The following LRP3 variants were observed in gnomAD, a reference collection of about 807,000 sequenced individuals.
LRP3 encodes the protein LDL receptor related protein 3, also known as low-density lipoprotein receptor-related protein 3.
Under a neutral mutation model 58.5 loss-of-function variants are expected in LRP3, and 49 were observed. The ratio of observed to expected loss-of-function variants is 0.84; its 90% CI spans 0.67 to 1.06. The LOEUF (loss-of-function observed/expected upper bound fraction) is 1.06, where lower values mean the gene tolerates loss of function less well. LRP3 is among the 50% of genes least tolerant of loss of function. LRP3 has a pLI of 0.00. For missense variants in LRP3, 1,019 were observed against 1,134.2 expected (o/e 0.90, Z 1.46); for synonymous variants, 485 against 492.2 (o/e 0.99, Z 0.20).
chr19:33,199,698 G>A lies in LRP3; in HGVS notation c.121+2921G>A, dbSNP rs887227631. ...GGGGTGAGGCTGTTTGGAGGCACCC[G>A]TTGTCAGGGTTTTGCTGAGAGGCAG... On this transcript the variant is annotated intron_variant, in intron 2 of 6. Transcript: ENST00000253193. Among the ~76,000 whole-genome samples the A allele has an allele frequency of 2.6e-5, 4 of 152,280 alleles. 1 individual carries two copies. The South Asian group carries it at 6.2e-4, about 24-fold the overall frequency.
At chr19:33,203,175 G>A (rs1456782212) in intron 3 of LRP3, among the ~76,000 whole-genome samples, 189 bp downstream of exon 3, 1 of 152,072 alleles carries the variant, frequency 6.6e-6, no homozygotes, top group Admixed American at 6.6e-5. Flanking sequence ...CGTGTGAACA[G>A]GTGTATGGGT....
rs1275986102 is a variant in LRP3 at position 33,207,512 on chromosome 19, C to T, written c.2250C>T (p.Asn750=). ...CAGAGCCACTGGGGGTCTGCAGGAA[C>T]CCCCCGCCCCCCTGCTCCCCAATGC... ...HSPEPLGVCR[N]PPPPCSPMLE... Residue 750 remains asparagine, a synonymous_variant, in exon 7 of 7, where the codon AAC becomes AAT. Transcript: ENST00000253193. 3.1e-6 allele frequency: 5 copies of T among 1,602,158 alleles called. No individual in the cohort carries two copies. The highest frequency in any genetic ancestry group is 4.5e-5 in the East Asian group (2 of 44,734).
chr19:33,207,226 T>G lies in LRP3; in HGVS notation c.1964T>G (p.Met655Arg). The G allele has an allele frequency of 6.4e-7, 1 of 1,563,030 alleles. No homozygotes were observed. ...GAAPDPPAPL[M>R]DTGSTRAAGD... ...GCCCCCGACCCCCCAGCACCGCTCA[T>G]GGACACAGGCAGCACCAGGGCGGCC... The change falls in exon 7 of 7, where the codon ATG (methionine) becomes AGG (arginine). Residue 655 changes from methionine to arginine, a missense_variant. By Grantham distance (91) the Met-to-Arg change is moderately conservative. Coordinates refer to ENST00000253193, the MANE Select transcript of LRP3 (RefSeq NM_002333.4).
In LRP3 at chr19:33,207,570, T is replaced by A. The variant is rs61736046; in HGVS notation, c.2308T>A (p.Cys770Ser). 2,894 of 1,600,644 alleles carry A rather than the reference T, an allele frequency of 1.8e-3. 47 individuals are homozygous for A. The African/African-American group carries it at 0.033, about 18-fold the overall frequency. ...EASDDEALLV[C>S] The stretch of plus-strand genomic sequence containing the variant: ...CAGCGATGATGAGGCCCTGTTGGTC[T>A]GTTGACCGCTGGGCTCGCTGGTGAC... Residue 770 changes from cysteine (C) to serine (S), a missense_variant, in exon 7 of 7, where the codon TGT (cysteine) becomes AGT (serine). Coordinates refer to ENST00000253193, the MANE Select transcript of LRP3 (RefSeq NM_002333.4).
intron 1 of LRP3, among the ~76,000 whole-genome samples, chr19:33,196,514 C>G (rs998245459): frequency 6.6e-6 from 1 of 152,196 alleles, no homozygotes; most frequent in Non-Finnish European, 1.5e-5. Flanking sequence ...GCTATGCACT[C>G]CAGCCTGGAT....
intron 2 of LRP3, among the ~76,000 whole-genome samples, chr19:33,201,251 G>A (rs1974338261): frequency 6.6e-6 from 1 of 152,238 alleles, no homozygotes; most frequent in Non-Finnish European, 1.5e-5. Flanking sequence ...AGCTCTGTGG[G>A]GGCTATCCCG....
intron 2 of LRP3, among the ~76,000 whole-genome samples, chr19:33,199,292 C>G (rs1412101412): frequency 6.6e-6 from 1 of 152,098 alleles, no homozygotes; most frequent in African/African-American, 2.4e-5. Flanking sequence ...CTACCACATG[C>G]ACGTCTGCCT....
intron 2 of LRP3, among the ~76,000 whole-genome samples, chr19:33,198,831 G>C (rs1381369442): frequency 1.3e-5 from 2 of 152,224 alleles, no homozygotes; most frequent in African/African-American, 4.8e-5. Flanking sequence ...CACGTCTGGG[G>C]TGGGACTCCC....
At position 33,207,241 on chromosome 19, in the gene LRP3, C is replaced by T; in HGVS notation, c.1979C>T (p.Thr660Ile). 1 of 1,557,538 alleles carries T rather than the reference C, an allele frequency of 6.4e-7. No homozygotes were observed. The highest frequency in any genetic ancestry group is 8.6e-7 in the Non-Finnish European group (1 of 1,158,830). Reference protein sequence around the residue: ...PPAPLMDTGSTRAAGDRPPSA... With the variant: ...PPAPLMDTGSIRAAGDRPPSA... ...GCACCGCTCATGGACACAGGCAGCA[C>T]CAGGGCGGCCGGAGACAGGCCCCCC... Residue 660 changes from threonine to isoleucine, a missense_variant, in exon 7 of 7, where the codon ACC (threonine) becomes ATC (isoleucine). By Grantham distance (89) the Thr-to-Ile change is moderately conservative (BLOSUM62 -1). Transcript: ENST00000253193.
intron 2 of LRP3, among the ~76,000 whole-genome samples, chr19:33,199,884 C>T (rs576200793): frequency 2.0e-5 from 3 of 152,158 alleles, no homozygotes; most frequent in Non-Finnish European, 2.9e-5. Context: ...TCCCAGAAAG[C>T]GTGGGTGAGA....
At position 33,207,326 on chromosome 19, in the gene LRP3, G is replaced by A; in HGVS notation, c.2064G>A (p.Leu688=). ...CAGGGCCACCCTTGCCCTCGGGCCTGCGAGACCCAGAGTGCAGGCCCGTGG... is the reference window on the plus strand; with the variant it reads ...CAGGGCCACCCTTGCCCTCGGGCCTACGAGACCCAGAGTGCAGGCCCGTGG... The part of the protein sequence containing the change: ...GPSGPPLPSG[L]RDPECRPVDK... The change falls in exon 7 of 7, where the codon CTG becomes CTA. Residue 688 remains leucine, a synonymous_variant. Transcript: ENST00000253193. 1 of 1,577,348 alleles carries A rather than the reference G, an allele frequency of 6.3e-7. No homozygotes were observed.
rs756201054 is a variant in LRP3, at chr19:33,205,556, C to T, written c.786C>T (p.Tyr262=). Residue 262 remains tyrosine (Y), a synonymous_variant, in exon 5 of 7, where the codon TAC becomes TAT. Transcript: ENST00000253193. ...LACGRRLGSF[Y]GSFASPDLFG... ...GCGGCCGGCGGCTGGGCAGCTTCTACGGCTCCTTTGCCTCCCCAGACCTGT... is the reference window on the plus strand; with the variant it reads ...GCGGCCGGCGGCTGGGCAGCTTCTATGGCTCCTTTGCCTCCCCAGACCTGT... The T allele has an allele frequency of 6.2e-6, 10 of 1,600,864 alleles. No homozygotes were observed. The highest frequency in any genetic ancestry group is 2.2e-5 in the South Asian group (2 of 90,384).
rs1174359627 is a variant in LRP3, at chr19:33,207,005, T to C, written c.1743T>C (p.Asn581=). 6.8e-7 allele frequency: 1 copy of C among 1,474,450 alleles called. No individual in the cohort carries two copies. Among genetic ancestry groups the C allele is most frequent in the Non-Finnish European group, 9.0e-7 (1 of 1,116,464 alleles). The allele number at this position is 1,474,450 out of a possible 1,614,324, so 91.3% of individuals were successfully genotyped here. ...YSASQASVLQ[N]LRTAMRRQMR... Reference sequence around the variant, plus strand: ...CCCCACAGGCCTCTGTGCTGCAGAATCTTCGCACAGCCATGCGGAGACAGA... The same window carrying C: ...CCCCACAGGCCTCTGTGCTGCAGAACCTTCGCACAGCCATGCGGAGACAGA... The change falls in exon 7 of 7, where the codon AAT becomes AAC. Residue 581 remains asparagine (N), a synonymous_variant. Transcript: ENST00000253193.
Position 33,206,607 on chromosome 19 carries a change from C to T in LRP3, c.1599C>T (p.Phe533=), listed in dbSNP as rs771131382. Residue 533 remains phenylalanine, a synonymous_variant, in exon 6 of 7, where the codon TTC becomes TTT. Transcript: ENST00000253193. The stretch of plus-strand genomic sequence containing the variant: ...CTCCGCCCACTGCTTCTAGGGCCTT[C>T]GAGACCCAGATGACGCGCCTGGAGG... ...YSLRTQEYRA[F]ETQMTRLEAE... 8.7e-6 allele frequency: 14 copies of T among 1,608,094 alleles called. No individual in the cohort carries two copies. The highest frequency in any genetic ancestry group is 1.7e-4 in the Middle Eastern group (1 of 6,032).
intron 2 of LRP3, among the ~76,000 whole-genome samples, chr19:33,201,621 G>A (rs947931139): frequency 6.6e-6 from 1 of 152,258 alleles, no homozygotes; most frequent in South Asian, 2.1e-4. Flanking sequence ...CCATGGGAGA[G>A]TGAGGAGAGA....
intron 6 of LRP3, 62 bp downstream of exon 6, chr19:33,206,795 T>C: frequency 6.8e-7 from 1 of 1,469,928 alleles, no homozygotes; most frequent in Non-Finnish European, 9.1e-7. Flanking sequence ...CGGAGGAGGC[T>C]GGTCCAGGGG....
intron 1 of LRP3, among the ~76,000 whole-genome samples, chr19:33,196,197 C>A (rs1318040012): frequency 6.6e-6 from 1 of 152,132 alleles, no homozygotes; most frequent in Non-Finnish European, 1.5e-5. Context: ...GAACTGCCTC[C>A]CCTCCTGCCT....
chr19:33,203,065 C>T, intron 3 of LRP3, 79 bp downstream of exon 3: 1 of 1,524,724 alleles, frequency 6.6e-7, no homozygotes, highest in Non-Finnish European at 8.9e-7. Flanking sequence ...TGTGTGTGAG[C>T]AGGTGTGGAG....
At chr19:33,198,270 G>T (rs751892962) in intron 2 of LRP3, among the ~76,000 whole-genome samples, 1 of 152,182 alleles carries the variant, frequency 6.6e-6, no homozygotes, top group Non-Finnish European at 1.5e-5. Context: ...AGGTCCTTGC[G>T]TTTGGTTGTC....
Sources: allele counts gnomAD v4.1 joint callset (sites outside exome capture counted in the v4.1 genomes callset), GRCh38; gene constraint gnomAD v4.1.1; transcripts MANE v1.5; gene names NCBI Gene and HGNC (gene_info 2026-07-23, HGNC 2026-07-21).